The following PEX1 variants were observed in gnomAD, a reference collection of about 807,000 sequenced individuals.
The protein encoded by PEX1 is peroxisomal ATPase PEX1.
A neutral mutation model predicts 152.5 loss-of-function variants in PEX1; 97 were observed. The observed-to-expected ratio is 0.64, with a 90% CI of 0.54 to 0.75. The LOEUF (loss-of-function observed/expected upper bound fraction) is 0.75, where lower values mean the gene tolerates loss of function less well. PEX1 is among the 30% of genes least tolerant of loss of function. PEX1 has a pLI of 0.00. For missense variants in PEX1, 1,357 were observed against 1,516.3 expected, an observed-to-expected ratio of 0.89 and a Z score of 1.74; for synonymous variants, 485 against 531.6, an observed-to-expected ratio of 0.91 and a Z score of 1.21.
rs1403267319 is a variant in PEX1, at chr7:92,487,221, G to T, written c.*236C>A. 1.4e-5 allele frequency: 4 copies of T among 288,134 alleles called. No individual in the cohort carries two copies. Among genetic ancestry groups the T allele is most frequent in the East Asian group, 6.0e-5 (1 of 16,700 alleles). 17.8% of individuals were successfully genotyped at this position (288,134 alleles called of 1,614,324 possible). A position where few individuals can be genotyped will look rare whatever the true frequency, so the allele number is the denominator to read the frequency against. On this transcript the variant is annotated 3_prime_UTR_variant, in exon 24 of 24. Coordinates refer to ENST00000248633, the MANE Select transcript of PEX1 (RefSeq NM_000466.3). The stretch of plus-strand genomic sequence containing the variant: ...GGCTAATATTATTTCATTAAAGACT[G>T]AATTTAGATTTTAGGAAATAAAATA...
In PEX1 at chr7:92,506,335, T is replaced by A. The variant is rs1792186860; in HGVS notation, c.1813A>T (p.Lys605Ter). ...LLLTGGKGSG[K>*]STLAKAICKE... ...CAGATTGCTTTGGCTAAAGTTGATT[T>A]TCCACTTCCCTAGAAAATAATTGCT... is the stretch of plus-strand genomic sequence containing the variant. The change falls in exon 11 of 24, where the codon AAA becomes TAA. Residue 605 changes from lysine to a stop codon, truncating the protein, a stop_gained. Coordinates refer to ENST00000248633, the MANE Select transcript of PEX1 (RefSeq NM_000466.3). LOFTEE classifies it high-confidence loss of function. 6.3e-7 allele frequency: 1 copy of A among 1,598,350 alleles called. No homozygotes were observed. Among genetic ancestry groups the A allele is most frequent in the Non-Finnish European group, 8.6e-7 (1 of 1,165,908 alleles).
intron 2 of PEX1, 42 bp downstream of exon 2, chr7:92,522,060 A>G (rs373365521): frequency 4.4e-5 from 70 of 1,590,450 alleles, no homozygotes; most frequent in Non-Finnish European, 5.0e-5. Context: ...TTGCTATATT[A>G]TGTGATATTA....
intron 13 of PEX1, among the ~76,000 whole-genome samples, chr7:92,502,442 T>C (rs1791976709): frequency 6.6e-6 from 1 of 152,212 alleles, no homozygotes; most frequent in Admixed American, 6.5e-5. Context: ...TTTAGTAATA[T>C]ATGGTTCCTT....
intron 11 of PEX1, among the ~76,000 whole-genome samples, chr7:92,505,583 A>G (rs1218440572): frequency 3.3e-5 from 5 of 152,222 alleles, no homozygotes; most frequent in African/African-American, 9.6e-5. Flanking sequence ...AGATTCATTT[A>G]AAATCAAATG....
chr7:92,489,318 C>T lies in PEX1; in HGVS notation c.3742G>A (p.Asp1248Asn). ...LGHTRPSISE[D>N]DWKNFAELYE... ...AGCTCAGCAAAATTCTTCCAGTCAT[C>T]TTCACTAATGGATGGTCTTGTGTGA... The change falls in exon 23 of 24, where the codon GAT (aspartate) becomes AAT (asparagine). Residue 1248 changes from aspartate to asparagine, a missense_variant. By Grantham distance (23) the Asp-to-Asn change is conservative. Coordinates refer to ENST00000248633, the MANE Select transcript of PEX1 (RefSeq NM_000466.3). 1.9e-6 allele frequency: 3 copies of T among 1,613,638 alleles called. No individual in the cohort carries two copies. Among genetic ancestry groups the T allele is most frequent in the Non-Finnish European group, 1.7e-6 (2 of 1,179,678 alleles).
At chr7:92,488,729 ATTTTTTT>A (rs199766658) in intron 23 of PEX1, among the ~76,000 whole-genome samples, 2 of 142,536 alleles carry the variant, frequency 1.4e-5, no homozygotes, top group African/African-American at 5.1e-5. Flanking sequence ...AAGTTACTAA[ATTTTTTT>A]TTTTTTTTTT....
rs746430468 is a variant in PEX1 at position 92,511,045 on chromosome 7, G to A, written c.1486C>T (p.Leu496=). ...EFIKLETKDG[L]KEFSLSIVHS... ...ACTATACTCAGAGAAAATTCCTTCA[G>A]TCCTATTAAAAAGAAAGTAATAAAT... Residue 496 remains leucine (L), a splice_region_variant and synonymous_variant, in exon 8 of 24, where the codon CTG becomes TTG. Coordinates refer to ENST00000248633, the MANE Select transcript of PEX1 (RefSeq NM_000466.3). 14 of 1,394,064 alleles carry A rather than the reference G, an allele frequency of 1.0e-5. No homozygotes were observed. In the South Asian group the frequency reaches 1.5e-4, roughly 15 times the overall value. 86.4% of individuals were successfully genotyped at this position (1,394,064 alleles called of 1,614,324 possible).
rs537748764 is a variant in PEX1, at chr7:92,525,383, T to C, written c.129+2924A>G. On this transcript the variant is annotated intron_variant, in intron 1 of 23. Coordinates refer to ENST00000248633, the MANE Select transcript of PEX1 (RefSeq NM_000466.3). ...GTATCTCTTGCTAACACAAGGGAAA[T>C]GAAAATTGTGTGGCCATATCCGAAT... 1.8e-4 allele frequency among the ~76,000 whole-genome samples: 28 copies of C among 152,234 alleles called. No homozygotes were observed. In the South Asian group the frequency reaches 5.8e-3, roughly 32 times the overall value.
chr7:92,501,901 G>A lies in PEX1; in HGVS notation c.2405C>T (p.Ser802Phe). 6.2e-7 allele frequency: 1 copy of A among 1,613,074 alleles called. No homozygotes were observed. Among genetic ancestry groups the A allele is most frequent in the Non-Finnish European group, 8.5e-7 (1 of 1,179,124 alleles). Residue 802 changes from serine (S) to phenylalanine (F), a missense_variant, in exon 14 of 24, where the codon TCC becomes TTC. By Grantham distance (155) the Ser-to-Phe change is radical. Transcript: ENST00000248633. ...IHSRLSRQSI[S>F]TREKLVLTTL... ...ATAGTAAAACATACTTTCTCTGGTG[G>A]ATATACTCTGACGAGAGAGTCGAGA...
chr7:92,508,697 TAA>T (rs1792314636), intron 9 of PEX1, among the ~76,000 whole-genome samples: 2 of 152,172 alleles, frequency 1.3e-5, no homozygotes, highest in Non-Finnish European at 2.9e-5. Context: ...TGGAGACTTC[TAA>T]GAGGTAGTGT....
intron 17 of PEX1, among the ~76,000 whole-genome samples, chr7:92,495,546 A>G (rs1458355321): frequency 6.6e-6 from 1 of 152,146 alleles, no homozygotes; most frequent in Non-Finnish European, 1.5e-5. Context: ...AATTTTGGTC[A>G]ATTTTGTTTT....
At chr7:92,512,760 G>A (rs1035995593) in intron 6 of PEX1, among the ~76,000 whole-genome samples, 1 of 152,158 alleles carries the variant, frequency 6.6e-6, no homozygotes, top group Non-Finnish European at 1.5e-5. Context: ...GAAGTGTTGG[G>A]ATAACAGGCG....
chr7:92,523,586 C>T (rs965130887), intron 1 of PEX1, among the ~76,000 whole-genome samples: 11 of 151,790 alleles, frequency 7.2e-5, no homozygotes, highest in Admixed American at 5.9e-4. Flanking sequence ...CCCAAACTGT[C>T]GGGATTACAG....
intron 11 of PEX1, among the ~76,000 whole-genome samples, chr7:92,505,692 C>T (rs1011525696): frequency 6.6e-6 from 1 of 152,086 alleles, no homozygotes; most frequent in African/African-American, 2.4e-5. Context: ...TTACAAAGAA[C>T]AGGAAATACA....
intron 16 of PEX1, among the ~76,000 whole-genome samples, chr7:92,498,151 C>T (rs1317005714): frequency 6.6e-6 from 1 of 151,156 alleles, no homozygotes; most frequent in African/African-American, 2.4e-5. Flanking sequence ...CCGTCATTGC[C>T]AGTTCTCAAA....
At chr7:92,512,269 G>A (rs1792509160) in intron 6 of PEX1, among the ~76,000 whole-genome samples, 3 of 151,694 alleles carry the variant, frequency 2.0e-5, no homozygotes, top group Admixed American at 2.0e-4. Flanking sequence ...TGATCCGCCT[G>A]CCTTGGCCTT....
chr7:92,496,621 T>C (rs1296194495), intron 17 of PEX1, 92 bp downstream of exon 17: 3 of 833,538 alleles, frequency 3.6e-6, no homozygotes, highest in Non-Finnish European at 4.3e-6. Flanking sequence ...AGGTTTCAAA[T>C]ATCAGTTCTT....
intron 2 of PEX1, among the ~76,000 whole-genome samples, chr7:92,521,214 C>T (rs1793035555): frequency 6.6e-6 from 1 of 152,190 alleles, no homozygotes; most frequent in South Asian, 2.1e-4. Flanking sequence ...GGTCCTCCCA[C>T]CTTGGCCTCC....
At chr7:92,515,993 C>CA (rs1226966470) in intron 5 of PEX1, among the ~76,000 whole-genome samples, 1 of 79,120 alleles carries the variant, frequency 1.3e-5, no homozygotes, top group Non-Finnish European at 2.6e-5. Context: ...GCTTCTAACT[C>CA]AAAAAAAGAA....
Sources: allele counts gnomAD v4.1 joint callset (sites outside exome capture counted in the v4.1 genomes callset), GRCh38; gene constraint gnomAD v4.1.1; transcripts MANE v1.5; gene names NCBI Gene and HGNC (gene_info 2026-07-23, HGNC 2026-07-21).